TUSC3: variants seen among roughly 807,000 people sequenced by gnomAD.
The protein encoded by TUSC3 is tumor suppressor candidate 3, also known as dolichyl-diphosphooligosaccharide--protein glycosyltransferase subunit TUSC3.
A neutral mutation model predicts 44.8 loss-of-function variants in TUSC3; 45 were observed. That is an observed-to-expected ratio of 1.00 (90% confidence interval 0.79 to 1.29). The LOEUF (loss-of-function observed/expected upper bound fraction) is 1.29, where lower values mean the gene tolerates loss of function less well. TUSC3 is among the 50% of genes most tolerant of loss of function. TUSC3 has a pLI of 0.00. For missense variants in TUSC3, 519 were observed against 437.9 expected (o/e 1.19, Z -1.65); for synonymous variants, 212 against 152.9 (o/e 1.39, Z -2.85).
At chr8:15,530,032 G>A (rs965717760) in intron 2 of TUSC3, among the ~76,000 whole-genome samples, 1 of 131,950 alleles carries the variant, frequency 7.6e-6, no homozygotes, top group South Asian at 2.3e-4. Context: ...TGATCCACCC[G>A]CCTCGGCCTC....
At chr8:15,454,976 T>C (rs1005621182) in intron 1 of TUSC3, among the ~76,000 whole-genome samples, 6 of 152,206 alleles carry the variant, frequency 3.9e-5, no homozygotes, top group African/African-American at 1.4e-4. Context: ...CTAGAGGAAT[T>C]AGAGGCAAAA....
chr8:15,851,477 C>T, the TUSC3 span, among the ~76,000 whole-genome samples: 1 of 152,168 alleles, frequency 6.6e-6, no homozygotes, highest in Admixed American at 6.5e-5. Context: ...AATCCTCACA[C>T]ATATAGAGAA....
At chr8:15,511,963 T>A (rs1331337574) in intron 2 of TUSC3, among the ~76,000 whole-genome samples, 7 of 152,150 alleles carry the variant, frequency 4.6e-5, no homozygotes. Flanking sequence ...ATAGATTCAA[T>A]ACAATCCCCA....
chr8:15,841,883 T>A, the TUSC3 span, among the ~76,000 whole-genome samples: 3 of 152,230 alleles, frequency 2.0e-5, no homozygotes, highest in African/African-American at 7.2e-5. Context: ...TGAATTCAGC[T>A]TAAATACAAG....
chr8:15,517,158 T>C (rs953522712), intron 2 of TUSC3, among the ~76,000 whole-genome samples: 1 of 152,158 alleles, frequency 6.6e-6, no homozygotes, highest in African/African-American at 2.4e-5. Context: ...AATAGCTCAG[T>C]TGTCACTTGA....
At chr8:15,790,140 A>G in the TUSC3 span, among the ~76,000 whole-genome samples, 1 of 149,364 alleles carries the variant, frequency 6.7e-6, no homozygotes, top group African/African-American at 2.5e-5. Context: ...GGTTGTTGCC[A>G]TGAATAAGGA....
At chr8:15,760,604 T>C (rs11786235) in intron 10 of TUSC3, among the ~76,000 whole-genome samples, 4,077 of 152,242 alleles carry the variant, frequency 0.027, 104 homozygotes, top group East Asian at 0.14. Context: ...AAAGAATATT[T>C]TGTGACATGA....
chr8:15,652,846 A>G (rs1443834151), intron 3 of TUSC3, among the ~76,000 whole-genome samples: 1 of 152,140 alleles, frequency 6.6e-6, no homozygotes, highest in African/African-American at 2.4e-5. Flanking sequence ...ACATGACTAG[A>G]CTTGTGGACT....
chr8:15,839,081 G>T, the TUSC3 span, among the ~76,000 whole-genome samples: 6 of 152,120 alleles, frequency 3.9e-5, no homozygotes, highest in Non-Finnish European at 8.8e-5. Flanking sequence ...CACATCCCTT[G>T]TAAGTTGGAT....
intron 2 of TUSC3, among the ~76,000 whole-genome samples, chr8:15,513,052 G>A (rs996334577): frequency 6.7e-6 from 1 of 148,642 alleles, no homozygotes; most frequent in African/African-American, 2.5e-5. Flanking sequence ...TATTCAAGAA[G>A]TTAGGAATTA....
chr8:15,661,280 T>G (rs1250559464), intron 4 of TUSC3, among the ~76,000 whole-genome samples: 1 of 152,078 alleles, frequency 6.6e-6, no homozygotes, highest in African/African-American at 2.4e-5. Context: ...TTGTCCACCT[T>G]CAGTACAAGA....
At chr8:15,542,541 C>T (rs1224353137) in intron 1 of TUSC3, among the ~76,000 whole-genome samples, 1 of 151,336 alleles carries the variant, frequency 6.6e-6, no homozygotes, top group Non-Finnish European at 1.5e-5. Context: ...TCGGAGGGTG[C>T]TTACATTTTT....
chr8:15,743,699 TAAAC>T, intron 8 of TUSC3, 87 bp downstream of exon 8: 1 of 1,373,870 alleles, frequency 7.3e-7, no homozygotes, highest in Admixed American at 1.7e-5. Flanking sequence ...AAGCCCTTTG[TAAAC>T]AAACTTCTAA....
intron 6 of TUSC3, chr8:15,689,219 T>A (rs578246198): frequency 2.8e-6 from 1 of 355,726 alleles, no homozygotes. Flanking sequence ...TTTTCTCTTC[T>A]TTGCATCTGC....
the TUSC3 span, among the ~76,000 whole-genome samples, chr8:15,823,396 C>A: frequency 5.7e-3 from 861 of 152,224 alleles, 8 homozygotes; most frequent in African/African-American, 0.019. Flanking sequence ...CATCTTTAAA[C>A]TTCCATGATT....
intron 2 of TUSC3, among the ~76,000 whole-genome samples, chr8:15,529,823 C>G (rs1202647654): frequency 1.5e-5 from 2 of 129,926 alleles, no homozygotes; most frequent in African/African-American, 5.9e-5. Flanking sequence ...CGGAGTCTCG[C>G]TCTGTTGCCC....
At chr8:15,684,812 G>A (rs1453145622) in intron 6 of TUSC3, among the ~76,000 whole-genome samples, 1 of 152,148 alleles carries the variant, frequency 6.6e-6, no homozygotes, top group African/African-American at 2.4e-5. Flanking sequence ...TCTAGCCCCT[G>A]GATGTAAAGC....
downstream of TUSC3, among the ~76,000 whole-genome samples, chr8:15,767,344 A>T (rs1025021353): frequency 6.6e-6 from 1 of 152,020 alleles, no homozygotes; most frequent in Non-Finnish European, 1.5e-5. Flanking sequence ...ATGTGGATAC[A>T]TCTATCTATT....
chr8:15,561,897 C>T (rs1006350115), intron 1 of TUSC3, among the ~76,000 whole-genome samples: 1 of 152,174 alleles, frequency 6.6e-6, no homozygotes, highest in Non-Finnish European at 1.5e-5. Flanking sequence ...CTCCTGCACC[C>T]ACTGTCTGGC....
Sources: gnomAD v4.1 joint callset for allele counts (sites outside exome capture counted in the v4.1 genomes callset) on GRCh38, gnomAD v4.1.1 for gene constraint, MANE v1.5 for transcripts, NCBI Gene and HGNC (gene_info 2026-07-23, HGNC 2026-07-21) for gene names.